Variants in PPM1L observed in about 807,000 individuals in gnomAD.
PPM1L encodes the protein protein phosphatase, Mg2+/Mn2+ dependent 1L, also known as protein phosphatase 1L.
In PPM1L, 13 loss-of-function variants were observed where a neutral mutation model predicts 31.4. That is an observed-to-expected ratio of 0.41 (90% CI 0.27 to 0.66). The LOEUF (loss-of-function observed/expected upper bound fraction) is 0.66, where lower values mean the gene tolerates loss of function less well. Ranked by LOEUF, PPM1L falls within the 30% of genes least tolerant of loss-of-function variation. The pLI is 0.29. For synonymous variants in PPM1L, 184 were observed against 175.4 expected (o/e 1.05, Z -0.39); for missense variants, 326 against 453.7 (o/e 0.72, Z 2.56).
chr3:160,818,135 A>G (rs956494388), intron 1 of PPM1L, among the ~76,000 whole-genome samples: 1 of 152,068 alleles, frequency 6.6e-6, no homozygotes, highest in Non-Finnish European at 1.5e-5. Context: ...ATATTACCAG[A>G]TGCTGAAAAG....
intron 1 of PPM1L, among the ~76,000 whole-genome samples, chr3:160,821,959 T>C (rs886651332): frequency 5.3e-5 from 8 of 152,032 alleles, no homozygotes; most frequent in Admixed American, 2.0e-4. Context: ...CTTGATAGTC[T>C]AAGGAGTAAA....
At chr3:160,997,325 T>C (rs573030458) in intron 2 of PPM1L, among the ~76,000 whole-genome samples, 1 of 152,290 alleles carries the variant, frequency 6.6e-6, no homozygotes, top group African/African-American at 2.4e-5. Flanking sequence ...TGAAAGGAGC[T>C]GGATATGTGC....
chr3:160,917,761 C>T (rs1457136070), intron 1 of PPM1L, among the ~76,000 whole-genome samples: 1 of 151,918 alleles, frequency 6.6e-6, no homozygotes, highest in East Asian at 1.9e-4. Context: ...AATTTGGGAC[C>T]GTTTAGTACA....
intron 1 of PPM1L, among the ~76,000 whole-genome samples, chr3:160,958,152 TTTAGA>T (rs1332259968): frequency 6.6e-6 from 1 of 152,246 alleles, no homozygotes; most frequent in Non-Finnish European, 1.5e-5. Context: ...GCAGAAGCTC[TTTAGA>T]TTAATTAGAT....
intron 2 of PPM1L, among the ~76,000 whole-genome samples, chr3:161,046,557 G>C (rs1009035435): frequency 1.4e-4 from 22 of 152,086 alleles, no homozygotes; most frequent in African/African-American, 7.2e-5. Flanking sequence ...CCAATCAATA[G>C]AAAAAGAAGG....
At chr3:161,056,717 T>C (rs1416709716) in intron 2 of PPM1L, among the ~76,000 whole-genome samples, 2 of 152,050 alleles carry the variant, frequency 1.3e-5, no homozygotes, top group Admixed American at 1.3e-4. Context: ...CCCCAATCCT[T>C]AGCCCCTCCC....
At chr3:160,778,662 C>T (rs1322536512) in intron 1 of PPM1L, among the ~76,000 whole-genome samples, 1 of 152,074 alleles carries the variant, frequency 6.6e-6, no homozygotes. Context: ...GTTCATTTGC[C>T]CTCACAAGGG....
At chr3:160,976,299 C>A (rs1357975655) in intron 2 of PPM1L, among the ~76,000 whole-genome samples, 14 of 146,460 alleles carry the variant, frequency 9.6e-5, no homozygotes, top group African/African-American at 3.6e-4. Context: ...AGGATTTTTG[C>A]ATCAATGTTC....
rs1360503350 is a variant in PPM1L, at chr3:161,070,985, T to G, written c.*1828T>G. 6.6e-6 allele frequency: 1 copy of G among 152,238 alleles called. No individual in the cohort carries two copies. The highest frequency in any genetic ancestry group is 1.5e-5 in the Non-Finnish European group (1 of 68,048). The allele number at this position is 152,238 out of a possible 1,614,324, so 9.4% of individuals were successfully genotyped here. ...TCCAGCATTACAGAACCTTGGTTATTGTTTTTTAGCCATAGAATCTTCTAG... is the reference window on the plus strand; with the variant it reads ...TCCAGCATTACAGAACCTTGGTTATGGTTTTTTAGCCATAGAATCTTCTAG... On this transcript the variant is annotated 3_prime_UTR_variant, in exon 4 of 4. Coordinates refer to ENST00000498165, the MANE Select transcript of PPM1L (RefSeq NM_139245.4).
At chr3:160,954,749 GT>G (rs1371541316) in intron 1 of PPM1L, among the ~76,000 whole-genome samples, 1 of 151,998 alleles carries the variant, frequency 6.6e-6, no homozygotes, top group Non-Finnish European at 1.5e-5. Flanking sequence ...TCTGTTGATA[GT>G]TTCTTTTGCT....
chr3:160,761,901 A>G (rs1216813679), intron 1 of PPM1L, among the ~76,000 whole-genome samples: 1 of 152,258 alleles, frequency 6.6e-6, no homozygotes, highest in East Asian at 1.9e-4. Flanking sequence ...ATTCACTATC[A>G]TGAGAACAGT....
intron 2 of PPM1L, among the ~76,000 whole-genome samples, chr3:161,064,815 C>G (rs543316511): frequency 6.6e-6 from 1 of 152,264 alleles, no homozygotes; most frequent in Admixed American, 6.5e-5. Context: ...AGAGCTTTCT[C>G]TGCTTCTGTC....
chr3:160,861,639 T>C (rs1251508757), intron 1 of PPM1L, among the ~76,000 whole-genome samples: 3 of 152,160 alleles, frequency 2.0e-5, no homozygotes, highest in African/African-American at 7.2e-5. Flanking sequence ...GATGATGGTA[T>C]TAATTTCCTA....
At chr3:160,961,648 G>A (rs1715967391) in intron 1 of PPM1L, 88 bp from the exon 2 acceptor site, 2 of 1,198,200 alleles carry the variant, frequency 1.7e-6, no homozygotes, top group African/African-American at 1.6e-5. Context: ...AGTGCTTTGA[G>A]CTTTCTCTAT....
chr3:160,916,516 T>C (rs1432226700), intron 1 of PPM1L, among the ~76,000 whole-genome samples: 1 of 152,144 alleles, frequency 6.6e-6, no homozygotes. Context: ...TTGAGGATAA[T>C]AGAAAAATAT....
intron 1 of PPM1L, among the ~76,000 whole-genome samples, chr3:160,822,863 A>G (rs1713242976): frequency 6.6e-6 from 1 of 152,136 alleles, no homozygotes; most frequent in Admixed American, 6.6e-5. Context: ...TGGATGTGAA[A>G]TTAAGAAAAG....
chr3:161,020,301 C>T (rs965033518), intron 2 of PPM1L, among the ~76,000 whole-genome samples: 2 of 151,970 alleles, frequency 1.3e-5, no homozygotes, highest in Non-Finnish European at 2.9e-5. Context: ...AAATAATACC[C>T]TGTTTCCTCC....
intron 1 of PPM1L, among the ~76,000 whole-genome samples, chr3:160,934,286 A>G (rs77643188): frequency 0.015 from 2,358 of 152,316 alleles, 55 homozygotes; most frequent in African/African-American, 0.052. Context: ...AAAGTCAAAT[A>G]AGTGGAAATG....
chr3:160,992,413 A>AATTAGGGCC (rs1717162722), intron 2 of PPM1L, among the ~76,000 whole-genome samples: 1 of 152,178 alleles, frequency 6.6e-6, no homozygotes. Context: ...ATATCATCAA[A>AATTAGGGCC]ATTAGGGCCC....
Sources: gnomAD v4.1 joint callset for allele counts (sites outside exome capture counted in the v4.1 genomes callset) on GRCh38, gnomAD v4.1.1 for gene constraint, MANE v1.5 for transcripts, NCBI Gene and HGNC (gene_info 2026-07-23, HGNC 2026-07-21) for gene names.